The following SBF2 variants were observed in gnomAD, a reference collection of about 807,000 sequenced individuals.
SBF2 encodes the protein myotubularin-related protein 13.
A neutral mutation model predicts 225.2 loss-of-function variants in SBF2; 112 were observed. The ratio of observed to expected loss-of-function variants is 0.50; its 90% CI spans 0.43 to 0.58. The LOEUF (loss-of-function observed/expected upper bound fraction) is 0.58. Among genes scored for constraint, SBF2 ranks in the 20% least tolerant of loss-of-function variants. The probability of loss-of-function intolerance (pLI) is 0.00; values close to 1 mark genes in which losing one functional copy is unlikely to be tolerated. For missense variants in SBF2, 1,996 were observed against 2,206.2 expected (o/e 0.90, Z 1.91); for synonymous variants, 763 against 773.3 (o/e 0.99, Z 0.22).
chr11:10,172,692 C>G (rs540321942), intron 2 of SBF2, among the ~76,000 whole-genome samples: 1 of 151,432 alleles, frequency 6.6e-6, no homozygotes, highest in South Asian at 2.1e-4. Context: ...TTTGAGATGG[C>G]GTCTCACTCT....
At chr11:9,850,411 A>G (rs1351893989) in intron 21 of SBF2, among the ~76,000 whole-genome samples, 193 bp from the exon 22 acceptor site, 1 of 152,110 alleles carries the variant, frequency 6.6e-6, no homozygotes, top group Non-Finnish European at 1.5e-5. Context: ...ATGCACCACT[A>G]TGCCTGGCTT....
At chr11:9,897,845 G>A (rs1861391366) in intron 16 of SBF2, among the ~76,000 whole-genome samples, 1 of 152,144 alleles carries the variant, frequency 6.6e-6, no homozygotes, top group Non-Finnish European at 1.5e-5. Context: ...ACTGGAGTCT[G>A]GATTTATCTA....
rs1223197381 is a variant in SBF2 at position 10,000,963 on chromosome 11, G to C, written c.812C>G (p.Pro271Arg). ...GACAGAATGTACTCCAATAATGAAA[G>C]GCGTTGGGGAACTTAGAACTTCCAG... ...QLLEVLSSPT[P>R]FIIGVHSVFK... The change falls in exon 8 of 40, where the codon CCT becomes CGT. Residue 271 changes from proline to arginine, a missense_variant. By Grantham distance (103) the Pro-to-Arg change is moderately radical. Coordinates refer to ENST00000256190, the MANE Select transcript of SBF2 (RefSeq NM_030962.4). The C allele has an allele frequency of 8.1e-6, 13 of 1,607,234 alleles. No homozygotes were observed. Among genetic ancestry groups the C allele is most frequent in the Non-Finnish European group, 8.5e-6 (10 of 1,174,060 alleles).
rs142469360 is a variant in SBF2, at chr11:10,029,851, C to T, written c.427G>A (p.Val143Met). ...GAGACATTCAGGCTGTCCACATACA[C>T]GGTATAGATCAAACCCAGGCAAGCC... ...FRACLGLIYT[V>M]YVDSLNVSLE... Residue 143 changes from valine (V) to methionine (M), a missense_variant, in exon 5 of 40, where the codon GTG (valine) becomes ATG (methionine). Physicochemically the swap from Val to Met is conservative, Grantham distance 21 (BLOSUM62 1). Transcript: ENST00000256190. 61 of 1,613,288 alleles carry T rather than the reference C, an allele frequency of 3.8e-5. No individual in the cohort carries two copies. The South Asian group carries it at 4.7e-4, about 12-fold the overall frequency.
Position 10,042,906 on chromosome 11 carries a change from T to C in SBF2, c.217A>G (p.Ile73Val), listed in dbSNP as rs776806762. The change falls in exon 3 of 40, where the codon ATT becomes GTT. Residue 73 changes from isoleucine (I) to valine (V), a missense_variant. Transcript: ENST00000256190. ...PTFFVVVLTD[I>V]DSDRHYCSCL... ...GAGCAGTAATGTCGATCTGAGTCAATGTCTGTCAGGACAACCACAAAGAAC... is the reference window on the plus strand; with the variant it reads ...GAGCAGTAATGTCGATCTGAGTCAACGTCTGTCAGGACAACCACAAAGAAC... The C allele has an allele frequency of 1.2e-6, 2 of 1,613,938 alleles. No individual in the cohort carries two copies. The highest frequency in any genetic ancestry group is 1.3e-5 in the African/African-American group (1 of 74,910).
chr11:9,898,808 T>C (rs75088395), intron 16 of SBF2, among the ~76,000 whole-genome samples: 9,753 of 152,280 alleles, frequency 0.064, 501 homozygotes, highest in East Asian at 0.28. Flanking sequence ...ATATTTTAAC[T>C]AATTCATCCT....
chr11:10,225,306 T>C (rs1958496775), intron 1 of SBF2, among the ~76,000 whole-genome samples: 1 of 151,690 alleles, frequency 6.6e-6, no homozygotes, highest in South Asian at 2.1e-4. Context: ...ATAAAAACAC[T>C]TCTTCTTTAA....
intron 2 of SBF2, among the ~76,000 whole-genome samples, chr11:10,170,838 T>A (rs1312720265): frequency 6.6e-6 from 1 of 152,112 alleles, no homozygotes; most frequent in East Asian, 1.9e-4. Flanking sequence ...CATCAGTGAT[T>A]TATAATTTTC....
chr11:10,163,734 G>A (rs891254345), intron 2 of SBF2, among the ~76,000 whole-genome samples: 2 of 152,034 alleles, frequency 1.3e-5, no homozygotes, highest in African/African-American at 2.4e-5. Flanking sequence ...AGGATCAAAT[G>A]ACTTAATATA....
intron 12 of SBF2, 93 bp downstream of exon 12, chr11:9,992,322 T>C: frequency 2.2e-6 from 2 of 921,078 alleles, no homozygotes; most frequent in Non-Finnish European, 3.2e-6. Flanking sequence ...AATTTATATT[T>C]GACTATATAA....
At chr11:10,105,981 T>C (rs763579795) in intron 2 of SBF2, among the ~76,000 whole-genome samples, 6 of 152,206 alleles carry the variant, frequency 3.9e-5, no homozygotes, top group South Asian at 2.1e-4. Flanking sequence ...AGTGACTTCA[T>C]AGGTGTTTAG....
chr11:10,273,202 T>C (rs534828182), intron 1 of SBF2, among the ~76,000 whole-genome samples: 1 of 152,334 alleles, frequency 6.6e-6, no homozygotes, highest in Non-Finnish European at 1.5e-5. Flanking sequence ...TGTTTAATTA[T>C]TAGTAGAAAG....
rs1197707876 is a variant in SBF2 at position 9,828,569 on chromosome 11, C to T, written c.3793+787G>A. The T allele has an allele frequency of 4.1e-6, 4 of 985,194 alleles. No homozygotes were observed. The African/African-American group carries it at 7.0e-5, about 17-fold the overall frequency. 61.0% of individuals were successfully genotyped at this position (985,194 alleles called of 1,614,324 possible). A position where few individuals can be genotyped will look rare whatever the true frequency, so the allele number is the denominator to read the frequency against. On this transcript the variant is annotated intron_variant, in intron 28 of 39. Transcript: ENST00000256190. ...AGAGACCAACTTCTCAAGTCACATG[C>T]TCCTGTGTCTAACACATTAGGGTTA...
chr11:10,162,528 T>C (rs900752257), intron 2 of SBF2, among the ~76,000 whole-genome samples: 1 of 152,304 alleles, frequency 6.6e-6, no homozygotes, highest in Non-Finnish European at 1.5e-5. Flanking sequence ...TTTAAAAAGA[T>C]ATCAGAATGC....
At chr11:10,173,050 C>T (rs1277113107) in intron 2 of SBF2, among the ~76,000 whole-genome samples, 1 of 152,172 alleles carries the variant, frequency 6.6e-6, no homozygotes, top group South Asian at 2.1e-4. Flanking sequence ...GTATAGTTTC[C>T]AAAATTCCTC....
At chr11:10,250,088 A>G (rs1343877554) in intron 1 of SBF2, among the ~76,000 whole-genome samples, 1 of 152,144 alleles carries the variant, frequency 6.6e-6, no homozygotes, top group Non-Finnish European at 1.5e-5. Flanking sequence ...AATCATAATT[A>G]TGGTTAAGTT....
At chr11:10,298,484 G>A (rs1219473706), upstream of SBF2, among the ~76,000 whole-genome samples, 1 of 152,254 alleles carries the variant, frequency 6.6e-6, no homozygotes, top group African/African-American at 2.4e-5. Flanking sequence ...GTGGGCTATT[G>A]CGGAGTAAGT....
chr11:10,214,494 G>A (rs1477793429), intron 1 of SBF2, among the ~76,000 whole-genome samples: 1 of 152,116 alleles, frequency 6.6e-6, no homozygotes, highest in Non-Finnish European at 1.5e-5. Context: ...GTGGTGGCAC[G>A]CGCCTGTAGT....
chr11:10,031,313 A>G (rs1417069090), intron 3 of SBF2, 143 bp from the exon 4 acceptor site: 2 of 795,148 alleles, frequency 2.5e-6, no homozygotes, highest in Non-Finnish European at 3.8e-6. Context: ...CTACAAATAA[A>G]GAATAGACTT....
Sources: gnomAD v4.1 joint callset for allele counts (sites outside exome capture counted in the v4.1 genomes callset) on GRCh38, gnomAD v4.1.1 for gene constraint, MANE v1.5 for transcripts, NCBI Gene and HGNC (gene_info 2026-07-23, HGNC 2026-07-21) for gene names.